The following VCL variants were observed in gnomAD, a reference collection of about 807,000 sequenced individuals.
The protein encoded by VCL is epididymis luminal protein 114.
A neutral mutation model predicts 125.7 loss-of-function variants in VCL; 47 were observed. That is an observed-to-expected ratio of 0.37 (90% CI 0.30 to 0.48). The LOEUF is 0.48. Ranked by LOEUF, VCL falls within the 20% of genes least tolerant of loss-of-function variation. VCL has a pLI of 0.99. For synonymous variants in VCL, 458 were observed against 514.6 expected (o/e 0.89, Z 1.49); for missense variants, 1,069 against 1,455.5 (o/e 0.73, Z 4.32).
chr10:74,004,840 G>T (rs867007304), intron 1 of VCL, among the ~76,000 whole-genome samples: 2 of 152,086 alleles, frequency 1.3e-5, no homozygotes, highest in South Asian at 4.2e-4. Flanking sequence ...GAGTAGCTGG[G>T]ATTACAGGCA....
chr10:74,101,424 T>C (rs776967387), intron 14 of VCL, among the ~76,000 whole-genome samples: 54 of 152,080 alleles, frequency 3.6e-4, no homozygotes, highest in Non-Finnish European at 6.5e-4. Context: ...AGGTTGAGGC[T>C]GCAGTAAGCT....
chr10:74,039,597 A>G (rs1008828913), intron 1 of VCL, among the ~76,000 whole-genome samples: 2 of 151,890 alleles, frequency 1.3e-5, no homozygotes, highest in Admixed American at 1.3e-4. Context: ...AGCCTGGGAA[A>G]CATAGTGAGA....
chr10:74,010,493 C>G (rs1350900480), intron 1 of VCL, among the ~76,000 whole-genome samples: 1 of 152,060 alleles, frequency 6.6e-6, no homozygotes, highest in African/African-American at 2.4e-5. Context: ...TATTTGCAAT[C>G]TTCTGTCAGT....
At chr10:74,111,107 T>C (rs944264663) in intron 18 of VCL, among the ~76,000 whole-genome samples, 1 of 152,160 alleles carries the variant, frequency 6.6e-6, no homozygotes, top group Non-Finnish European at 1.5e-5. Context: ...GTACTAGCAA[T>C]GGATGCAAAA....
intron 1 of VCL, among the ~76,000 whole-genome samples, chr10:74,005,686 G>C (rs1840310895): frequency 6.6e-6 from 1 of 152,114 alleles, no homozygotes. Flanking sequence ...ACCCCCCTCG[G>C]ATACCAAAAT....
rs530902318 is a variant in VCL, at chr10:74,037,468, A to G, written c.169-5615A>G. Among the ~76,000 whole-genome samples, 283 of 152,352 alleles carry G rather than the reference A, an allele frequency of 1.9e-3. 1 individual carries two copies. Among genetic ancestry groups the G allele is most frequent in the Middle Eastern group, 6.8e-3 (2 of 294 alleles). ...GTTCTCGACTTGTTATTTTGGTGAT[A>G]GAACACTAAATTGTAAAGATCTAGA... On this transcript the variant is annotated intron_variant, in intron 1 of 21. Transcript: ENST00000211998.
chr10:74,064,422 T>C (rs1472877468), intron 2 of VCL, among the ~76,000 whole-genome samples: 3 of 152,104 alleles, frequency 2.0e-5, no homozygotes, highest in African/African-American at 2.4e-5. Flanking sequence ...TTTTTTTTTT[T>C]TGAGACAGGA....
intron 1 of VCL, among the ~76,000 whole-genome samples, chr10:74,028,489 C>T (rs1471992264): frequency 3.3e-5 from 5 of 151,132 alleles, no homozygotes; most frequent in African/African-American, 4.9e-5. Context: ...CTCTGCCTCC[C>T]GGGTTCAAGC....
Position 74,100,990 on chromosome 10 carries a change from A to C in VCL, c.1915A>C (p.Lys639Gln), listed in dbSNP as rs761356586. ...AGCTAACTTTGAAAACCATTCAGGA[A>C]AGCTTGGTGCTACGGCCGAGAAGGC... ...RAANFENHSG[K>Q]LGATAEKAAA... Residue 639 changes from lysine (K) to glutamine (Q), a missense_variant, in exon 14 of 22, where the codon AAG (lysine) becomes CAG (glutamine). This residue lies in a region of VCL where 760 missense variants were observed against 928.9 expected (regional missense o/e 0.82). Transcript: ENST00000211998. The C allele has an allele frequency of 1.9e-6, 3 of 1,614,026 alleles. No homozygotes were observed. In the South Asian group the frequency reaches 3.3e-5, roughly 18 times the overall value.
At chr10:74,000,401 G>A (rs1840204808) in intron 1 of VCL, among the ~76,000 whole-genome samples, 1 of 150,700 alleles carries the variant, frequency 6.6e-6, no homozygotes, top group Non-Finnish European at 1.5e-5. Flanking sequence ...AGTAGCTGAA[G>A]GCCTTTGTTT....
chr10:74,042,447 A>AT (rs2136248355), intron 1 of VCL, among the ~76,000 whole-genome samples: 1 of 152,290 alleles, frequency 6.6e-6, no homozygotes, highest in South Asian at 2.1e-4. Flanking sequence ...CTAGCAAGTG[A>AT]TTTTCCAAAG....
intron 2 of VCL, among the ~76,000 whole-genome samples, chr10:74,048,372 G>T (rs1841232437): frequency 6.6e-6 from 1 of 151,618 alleles, no homozygotes; most frequent in Admixed American, 6.6e-5. Context: ...GGAGGCTGAG[G>T]TAGGAGAATC....
intron 1 of VCL, among the ~76,000 whole-genome samples, chr10:74,017,439 C>T (rs996700631): frequency 3.9e-5 from 6 of 151,990 alleles, no homozygotes; most frequent in African/African-American, 1.4e-4. Context: ...GGATTGCTTC[C>T]ACCTTTTGGC....
At chr10:74,015,561 T>A (rs1275342438) in intron 1 of VCL, among the ~76,000 whole-genome samples, 1 of 152,124 alleles carries the variant, frequency 6.6e-6, no homozygotes. Context: ...AAGTTTATAT[T>A]TCCCACTTGG....
intron 10 of VCL, among the ~76,000 whole-genome samples, chr10:74,091,210 A>G (rs937624890): frequency 1.3e-5 from 2 of 152,182 alleles, no homozygotes; most frequent in Non-Finnish European, 2.9e-5. Flanking sequence ...GTTGCTCTCT[A>G]TACTCTTAGG....
intron 2 of VCL, among the ~76,000 whole-genome samples, chr10:74,044,507 C>T (rs955146132): frequency 6.6e-6 from 1 of 152,154 alleles, no homozygotes; most frequent in Admixed American, 6.5e-5. Context: ...TTTTATTATA[C>T]ACCCCAAATT....
At chr10:74,050,932 A>ATTT (rs10607921) in intron 2 of VCL, among the ~76,000 whole-genome samples, 25 of 77,444 alleles carry the variant, frequency 3.2e-4, no homozygotes, top group East Asian at 4.1e-4. Flanking sequence ...GTACTACTGT[A>ATTT]TTTTTTTTTT....
chr10:74,032,404 A>C (rs1591662165), intron 1 of VCL, among the ~76,000 whole-genome samples: 1 of 152,066 alleles, frequency 6.6e-6, no homozygotes, highest in East Asian at 1.9e-4. Flanking sequence ...ATAACTCAAA[A>C]TATTGGCAAG....
chr10:74,046,911 G>A (rs1008255184), intron 2 of VCL, among the ~76,000 whole-genome samples: 5 of 152,262 alleles, frequency 3.3e-5, no homozygotes, highest in Admixed American at 6.5e-5. Flanking sequence ...GCACACCCTA[G>A]TTGTGATAAA....
Sources: gnomAD v4.1 joint callset for allele counts (sites outside exome capture counted in the v4.1 genomes callset) on GRCh38, gnomAD v4.1.1 for gene constraint, gnomAD v4.1.1 regional missense constraint, MANE v1.5 for transcripts, NCBI Gene and HGNC (gene_info 2026-07-23, HGNC 2026-07-21) for gene names.